The following CDH12 variants were observed in gnomAD, a reference collection of about 807,000 sequenced individuals.
CDH12 encodes cadherin 12, also known as cadherin-12.
In CDH12, 41 loss-of-function variants were observed where a neutral mutation model predicts 74.1. The ratio of observed to expected loss-of-function variants is 0.55; its 90% confidence interval spans 0.43 to 0.72. The LOEUF is 0.72. Among genes scored for constraint, CDH12 ranks in the 30% least tolerant of loss-of-function variants. The pLI is 0.00. For synonymous variants in CDH12, 399 were observed against 355.0 expected (o/e 1.12, Z -1.39); for missense variants, 945 against 977.2 (o/e 0.97, Z 0.44).
At chr5:22,777,607 TG>T (rs1401050560) in intron 1 of CDH12, among the ~76,000 whole-genome samples, 19 of 151,936 alleles carry the variant, frequency 1.3e-4, no homozygotes, top group African/African-American at 4.6e-4. Context: ...TGTATGTATG[TG>T]TGTGTGTGCG....
At chr5:22,630,954 C>A (rs1247356437) in intron 1 of CDH12, among the ~76,000 whole-genome samples, 2 of 151,976 alleles carry the variant, frequency 1.3e-5, no homozygotes, top group African/African-American at 4.8e-5. Context: ...AAAAAACAAA[C>A]AATCCCATGA....
At chr5:21,829,356 C>T (rs1452374598) in intron 8 of CDH12, among the ~76,000 whole-genome samples, 1 of 152,152 alleles carries the variant, frequency 6.6e-6, no homozygotes, top group Non-Finnish European at 1.5e-5. Context: ...TATTTTTACA[C>T]TAGCTTTTAA....
At chr5:22,502,118 T>G (rs1444321766) in intron 2 of CDH12, among the ~76,000 whole-genome samples, 1 of 152,124 alleles carries the variant, frequency 6.6e-6, no homozygotes, top group Non-Finnish European at 1.5e-5. Context: ...ATGGTTTGGC[T>G]TGTGTCCCCA....
At chr5:22,605,321 T>G (rs961241341) in intron 1 of CDH12, among the ~76,000 whole-genome samples, 1 of 152,186 alleles carries the variant, frequency 6.6e-6, no homozygotes, top group African/African-American at 2.4e-5. Context: ...TACATTCTAT[T>G]AGTTCTACTT....
At chr5:22,102,687 AATAAATAC>A (rs1401644328) in intron 4 of CDH12, among the ~76,000 whole-genome samples, 5 of 100,422 alleles carry the variant, frequency 5.0e-5, no homozygotes, top group African/African-American at 1.1e-4. Context: ...TAAATAAATA[AATAAATAC>A]ATAAATAAAT....
At chr5:21,973,469 A>G (rs1756940929) in intron 6 of CDH12, among the ~76,000 whole-genome samples, 1 of 152,200 alleles carries the variant, frequency 6.6e-6, no homozygotes, top group Admixed American at 6.5e-5. Flanking sequence ...CTCTTTGGAT[A>G]TGATCTGCAA....
At chr5:22,796,898 G>A (rs1581009357) in intron 1 of CDH12, among the ~76,000 whole-genome samples, 1 of 151,996 alleles carries the variant, frequency 6.6e-6, no homozygotes, top group Admixed American at 6.6e-5. Flanking sequence ...TATCATAGGA[G>A]GAAAAGCAAG....
chr5:22,656,213 A>G (rs565936141), intron 1 of CDH12, among the ~76,000 whole-genome samples: 4 of 152,120 alleles, frequency 2.6e-5, no homozygotes, highest in Non-Finnish European at 4.4e-5. Flanking sequence ...AAATTGTTAC[A>G]TTTTACACAC....
intron 3 of CDH12, 34 bp downstream of exon 3, chr5:22,405,223 A>C (rs549047306): frequency 1.6e-4 from 100 of 621,000 alleles, no homozygotes; most frequent in Non-Finnish European, 1.9e-4. Flanking sequence ...AAAATAAAAA[A>C]TAAAGAAAAA....
chr5:21,756,040 G>C lies in CDH12; in HGVS notation c.1634-198C>G, dbSNP rs557278365. Reference sequence around the variant, plus strand: ...TAGAGGAAAAACAAACATTAATCTTGTCTGATAGAAGAATTAAATTTTCTA... The same window carrying C: ...TAGAGGAAAAACAAACATTAATCTTCTCTGATAGAAGAATTAAATTTTCTA... On this transcript the variant is annotated intron_variant, in intron 13 of 14. Transcript: ENST00000382254. 8.5e-5 allele frequency among the ~76,000 whole-genome samples: 13 copies of C among 152,168 alleles called. No homozygotes were observed. In the South Asian group the frequency reaches 2.7e-3, roughly 32 times the overall value.
At chr5:21,833,061 T>C (rs1378689027) in intron 8 of CDH12, among the ~76,000 whole-genome samples, 1 of 81,988 alleles carries the variant, frequency 1.2e-5, no homozygotes, top group Non-Finnish European at 2.2e-5. Flanking sequence ...TTATATGTTA[T>C]ATAACATATA....
intron 4 of CDH12, among the ~76,000 whole-genome samples, chr5:22,128,045 T>G (rs2150283782): frequency 6.6e-6 from 1 of 152,144 alleles, no homozygotes; most frequent in African/African-American, 2.4e-5. Context: ...TTCATTACAC[T>G]TAGTTTCTGA....
At chr5:21,859,851 G>T (rs1161840854) in intron 6 of CDH12, among the ~76,000 whole-genome samples, 1 of 151,940 alleles carries the variant, frequency 6.6e-6, no homozygotes, top group Non-Finnish European at 1.5e-5. Context: ...CTTCACGATG[G>T]AGGTAAAGAA....
chr5:22,682,872 T>G (rs1337898241), intron 1 of CDH12, among the ~76,000 whole-genome samples: 2 of 152,118 alleles, frequency 1.3e-5, no homozygotes, highest in African/African-American at 4.8e-5. Flanking sequence ...ATTAACAATT[T>G]TGCTATCTTC....
At chr5:22,730,016 A>G (rs923212841) in intron 1 of CDH12, among the ~76,000 whole-genome samples, 1 of 151,936 alleles carries the variant, frequency 6.6e-6, no homozygotes, top group African/African-American at 2.4e-5. Context: ...AGACTTTAGT[A>G]TAATGTGTTT....
intron 3 of CDH12, among the ~76,000 whole-genome samples, chr5:22,305,330 T>C (rs1738057804): frequency 6.6e-6 from 1 of 152,194 alleles, no homozygotes; most frequent in Admixed American, 6.5e-5. Flanking sequence ...TAACAAAGCC[T>C]CAATTCAGGT....
intron 2 of CDH12, among the ~76,000 whole-genome samples, chr5:22,470,461 C>T (rs555010479): frequency 6.7e-6 from 1 of 150,298 alleles, no homozygotes; most frequent in Admixed American, 6.6e-5. Flanking sequence ...GTTTGTTGCT[C>T]AGGCTGGAAA....
chr5:22,531,948 A>G (rs1398113097), intron 1 of CDH12, among the ~76,000 whole-genome samples: 1 of 152,080 alleles, frequency 6.6e-6, no homozygotes, highest in East Asian at 1.9e-4. Context: ...ACTGTGGTTC[A>G]CCAGGCAGGG....
intron 4 of CDH12, among the ~76,000 whole-genome samples, chr5:22,103,639 T>G (rs1317979568): frequency 6.6e-6 from 1 of 152,240 alleles, no homozygotes; most frequent in East Asian, 1.9e-4. Flanking sequence ...TATATTGCTT[T>G]ACTGATTAAT....
Sources: gnomAD v4.1 joint callset for allele counts (sites outside exome capture counted in the v4.1 genomes callset) on GRCh38, gnomAD v4.1.1 for gene constraint, MANE v1.5 for transcripts, NCBI Gene and HGNC (gene_info 2026-07-23, HGNC 2026-07-21) for gene names.